PNKD: variants seen among roughly 807,000 people sequenced by gnomAD.
PNKD encodes the protein PNKD metallo-beta-lactamase domain containing.
PNKD carries 36 observed loss-of-function variants against 45.3 expected under a neutral mutation model. That is an observed-to-expected ratio of 0.80 (90% CI 0.61 to 1.05). The LOEUF is 1.05. Among genes scored for constraint, PNKD ranks in the 50% least tolerant of loss-of-function variants. The pLI, the probability that PNKD is intolerant of heterozygous loss-of-function variation, is 0.00. For synonymous variants in PNKD, 197 were observed against 210.1 expected (o/e 0.94, Z 0.54); for missense variants, 511 against 506.6 (o/e 1.01, Z -0.08).
At chr2:218,300,551 C>CTTTTTTTT (rs60503613) in intron 2 of PNKD, among the ~76,000 whole-genome samples, 1 of 143,996 alleles carries the variant, frequency 6.9e-6, no homozygotes. Flanking sequence ...CTTTTCTTTT[C>CTTTTTTTT]TTTTTTTTTT....
Position 218,343,015 on chromosome 2 carries a change from C to G in PNKD, c.782-485C>G, listed in dbSNP as rs555252367. 1.6e-4 allele frequency among the ~76,000 whole-genome samples: 24 copies of G among 152,332 alleles called. No individual in the cohort carries two copies. The South Asian group carries it at 5.0e-3, about 32-fold the overall frequency. ...GCTGCGGGACAGAATGGGAGAATGT[C>G]TGTAGCTGAGTAAAGCCCTGCAGGG... is the stretch of plus-strand genomic sequence containing the variant. On this transcript the variant is annotated intron_variant, in intron 7 of 9. Coordinates refer to ENST00000273077, the MANE Select transcript of PNKD (RefSeq NM_015488.5).
At position 218,326,839 on chromosome 2, in the gene PNKD, T is replaced by C. The variant is rs1356196249; in HGVS notation, c.237-12944T>C. The stretch of plus-strand genomic sequence containing the variant: ...AGATATGAACAGGTTCTGATCGCTG[T>C]TCTGCAGGGAAGGGGAAAGCACAGG... On this transcript the variant is annotated intron_variant, in intron 2 of 9. Coordinates refer to ENST00000273077, the MANE Select transcript of PNKD (RefSeq NM_015488.5). The surrounding 1 kb of genome is among the most constrained non-coding windows in gnomAD (Gnocchi z 4.1). The C allele has an allele frequency of 6.6e-6, 1 of 152,250 alleles. No individual in the cohort carries two copies. The highest frequency in any genetic ancestry group is 2.4e-5 in the African/African-American group (1 of 41,426). The allele number at this position is 152,250 out of a possible 1,614,324, so 9.4% of individuals were successfully genotyped here.
chr2:218,318,831 ATAGAG>A (rs1266013476), intron 2 of PNKD, among the ~76,000 whole-genome samples: 3 of 152,130 alleles, frequency 2.0e-5, no homozygotes, highest in South Asian at 2.1e-4. Context: ...AATATTAGTA[ATAGAG>A]TAGAGAGTGA....
chr2:218,343,037 A>G (rs905588128), intron 7 of PNKD, among the ~76,000 whole-genome samples: 1 of 152,226 alleles, frequency 6.6e-6, no homozygotes, highest in African/African-American at 2.4e-5. Flanking sequence ...AAAGCCCTGC[A>G]GGGAATTAGT....
In PNKD at chr2:218,340,301, G is replaced by A. The variant is rs889899692; in HGVS notation, c.465+160G>A. Among the ~76,000 whole-genome samples, 1 of 152,130 alleles carries A rather than the reference G, an allele frequency of 6.6e-6. No individual in the cohort carries two copies. The highest frequency in any genetic ancestry group is 2.4e-5 in the African/African-American group (1 of 41,432). On this transcript the variant is annotated intron_variant, in intron 4 of 9. Coordinates refer to ENST00000273077, the MANE Select transcript of PNKD (RefSeq NM_015488.5). This position sits in a 1 kb window ranked among gnomAD's most constrained non-coding sequence, Gnocchi z 4.2. ...ATGCGCACACATAGCCTGGGGAAGG[G>A]GGGTACAGGGCATGGCTGGGCAGAA...
intron 2 of PNKD, among the ~76,000 whole-genome samples, chr2:218,339,192 T>A (rs1478379274): frequency 6.6e-6 from 1 of 152,200 alleles, no homozygotes; most frequent in Non-Finnish European, 1.5e-5. Context: ...TTCCTACTCC[T>A]TCTTCCCTGC....
chr2:218,332,694 AC>A (rs1242849432), intron 2 of PNKD, among the ~76,000 whole-genome samples: 1 of 143,352 alleles, frequency 7.0e-6, no homozygotes, highest in Non-Finnish European at 1.5e-5. Context: ...CACCTTCAGC[AC>A]CCCCTCTATC....
intron 2 of PNKD, chr2:218,272,811 G>T: frequency 6.2e-7 from 1 of 1,613,098 alleles, no homozygotes; most frequent in Non-Finnish European, 8.5e-7. Flanking sequence ...CCTCAGGTTT[G>T]GCCCAGATTC....
At chr2:218,279,370 G>C (rs574301262) in intron 2 of PNKD, 2 of 1,541,712 alleles carry the variant, frequency 1.3e-6, no homozygotes, top group South Asian at 1.3e-5. Flanking sequence ...ACAGACGGCC[G>C]GGCATGGGTC....
chr2:218,272,854 C>T, intron 2 of PNKD: 1 of 1,605,946 alleles, frequency 6.2e-7, no homozygotes, highest in Non-Finnish European at 8.5e-7. Context: ...CCAGAGGGCG[C>T]ATGAAGCCCA....
At chr2:218,318,979 G>A in intron 2 of PNKD, among the ~76,000 whole-genome samples, 1 of 102,608 alleles carries the variant, frequency 9.7e-6, no homozygotes, top group South Asian at 3.3e-4. Context: ...TTTTGAGACA[G>A]AGTCTTGCTC....
intron 2 of PNKD, chr2:218,281,835 G>T: frequency 1.1e-6 from 1 of 915,222 alleles, no homozygotes; most frequent in South Asian, 1.5e-5. Context: ...GATGAGAAAG[G>T]GATTTAAGGG....
intron 2 of PNKD, among the ~76,000 whole-genome samples, chr2:218,283,700 T>C (rs562626221): frequency 6.6e-6 from 1 of 152,286 alleles, no homozygotes; most frequent in East Asian, 1.9e-4. Flanking sequence ...GACTGTCTTA[T>C]CTCTTCTCTT....
At chr2:218,307,764 G>A (rs1211353158) in intron 2 of PNKD, among the ~76,000 whole-genome samples, 3 of 152,150 alleles carry the variant, frequency 2.0e-5, no homozygotes, top group Admixed American at 6.5e-5. Flanking sequence ...GCCTGTAAGT[G>A]GTGAATTTAG....
intron 2 of PNKD, among the ~76,000 whole-genome samples, chr2:218,323,636 C>T (rs1694060465): frequency 6.6e-6 from 1 of 151,826 alleles, no homozygotes; most frequent in African/African-American, 2.4e-5. Flanking sequence ...TTGGGATAAG[C>T]TGGGGAAGGA....
chr2:218,272,457 A>C, intron 2 of PNKD: 1 of 942,044 alleles, frequency 1.1e-6, no homozygotes, highest in Non-Finnish European at 1.7e-6. Flanking sequence ...TGAATAGACT[A>C]TAAGAGGTAT....
chr2:218,306,023 T>C (rs1376298556), intron 2 of PNKD, among the ~76,000 whole-genome samples: 1 of 152,084 alleles, frequency 6.6e-6, no homozygotes, highest in African/African-American at 2.4e-5. Context: ...CCCGGGGGCA[T>C]GGTAGGGCTG....
chr2:218,311,322 GAC>G (rs1319537119), intron 2 of PNKD, among the ~76,000 whole-genome samples: 1 of 152,170 alleles, frequency 6.6e-6, no homozygotes, highest in Non-Finnish European at 1.5e-5. Context: ...AAAGAAATAA[GAC>G]ACAGAGACAA....
intron 2 of PNKD, among the ~76,000 whole-genome samples, chr2:218,319,682 T>A (rs116246886): frequency 0.037 from 5,562 of 152,258 alleles, 300 homozygotes; most frequent in African/African-American, 0.12. Flanking sequence ...CCCCGTCTTG[T>A]GTATTATAGG....
Sources: allele counts gnomAD v4.1 joint callset (sites outside exome capture counted in the v4.1 genomes callset), GRCh38; gene constraint gnomAD v4.1.1; non-coding constraint Gnocchi (gnomAD v3.1); transcripts MANE v1.5; gene names NCBI Gene and HGNC (gene_info 2026-07-23, HGNC 2026-07-21).